Variants in FHIT observed in about 807,000 individuals in gnomAD.
FHIT encodes the protein bis(5'-adenosyl)-triphosphatase.
FHIT carries 19 observed loss-of-function variants against 17.9 expected under a neutral mutation model. The ratio of observed to expected loss-of-function variants is 1.06; its 90% CI spans 0.74 to 1.56. The LOEUF is 1.56. Among genes scored for constraint, FHIT ranks in the 40% most tolerant of loss-of-function variants. The pLI, the probability that FHIT is intolerant of heterozygous loss-of-function variation, is 0.00. For synonymous variants in FHIT, 81 were observed against 69.7 expected (o/e 1.16, Z -0.81); for missense variants, 248 against 189.2 (o/e 1.31, Z -1.82).
chr3:59,934,683 A>G (rs1706142850), intron 7 of FHIT, among the ~76,000 whole-genome samples: 1 of 152,148 alleles, frequency 6.6e-6, no homozygotes. Context: ...GAAACTTACA[A>G]TCATGGCAGA....
At chr3:60,572,426 C>G (rs1008765116) in intron 4 of FHIT, among the ~76,000 whole-genome samples, 1 of 152,016 alleles carries the variant, frequency 6.6e-6, no homozygotes, top group Admixed American at 6.6e-5. Context: ...CACATCCTAG[C>G]CCCTAGGCAT....
intron 2 of FHIT, among the ~76,000 whole-genome samples, chr3:61,142,601 A>G (rs1384699607): frequency 1.3e-5 from 2 of 152,230 alleles, no homozygotes; most frequent in African/African-American, 4.8e-5. Flanking sequence ...AATAGGATGG[A>G]AAACCATGCA....
At chr3:59,896,644 T>C (rs892966578) in intron 8 of FHIT, among the ~76,000 whole-genome samples, 32 of 152,230 alleles carry the variant, frequency 2.1e-4, no homozygotes, top group Non-Finnish European at 4.1e-4. Flanking sequence ...GAAATAATTT[T>C]ACTAATTCTT....
At chr3:59,801,992 G>A (rs748916615) in intron 8 of FHIT, among the ~76,000 whole-genome samples, 7 of 152,190 alleles carry the variant, frequency 4.6e-5, no homozygotes, top group Admixed American at 2.0e-4. Context: ...TCTTCCAAAC[G>A]TGTATCAAAT....
At chr3:59,901,565 GA>G (rs1200387881) in intron 8 of FHIT, among the ~76,000 whole-genome samples, 1 of 152,088 alleles carries the variant, frequency 6.6e-6, no homozygotes, top group Non-Finnish European at 1.5e-5. Context: ...CAAACAAAAG[GA>G]CAATGAGATA....
intron 3 of FHIT, among the ~76,000 whole-genome samples, chr3:60,957,038 C>T (rs1016362250): frequency 6.6e-6 from 1 of 152,034 alleles, no homozygotes; most frequent in African/African-American, 2.4e-5. Flanking sequence ...ACTTTACACA[C>T]CCTCCCCATG....
chr3:60,278,207 A>G (rs1707255492), intron 5 of FHIT, among the ~76,000 whole-genome samples: 1 of 152,164 alleles, frequency 6.6e-6, no homozygotes, highest in Admixed American at 6.5e-5. Flanking sequence ...ATGTCCAAGA[A>G]CCCTATCATG....
At chr3:59,818,629 T>A (rs550669942) in intron 8 of FHIT, among the ~76,000 whole-genome samples, 2 of 152,298 alleles carry the variant, frequency 1.3e-5, no homozygotes, top group East Asian at 3.9e-4. Flanking sequence ...AACATTTGCT[T>A]TTATTAGATA....
chr3:60,838,477 C>CA lies in FHIT; in HGVS notation c.-110-16467dup, dbSNP rs2106850120. On this transcript the variant is annotated intron_variant, in intron 3 of 9. Transcript: ENST00000492590. ...ACAGAGCAAGACTCCGTCTCAAAAA[C>CA]AAAAACAAAAACAAACAAACAAACA... is the stretch of plus-strand genomic sequence containing the variant. Among the ~76,000 whole-genome samples, 3 of 152,070 alleles carry CA rather than the reference C, an allele frequency of 2.0e-5. No individual in the cohort carries two copies. In the East Asian group the frequency reaches 5.8e-4, roughly 29 times the overall value.
intron 5 of FHIT, among the ~76,000 whole-genome samples, chr3:60,252,844 A>C (rs1430090212): frequency 6.6e-6 from 1 of 151,806 alleles, no homozygotes; most frequent in African/African-American, 2.4e-5. Flanking sequence ...AAATACAAAA[A>C]AAAATTAGCC....
intron 2 of FHIT, among the ~76,000 whole-genome samples, chr3:61,196,936 C>A (rs1560062054): frequency 6.6e-6 from 1 of 152,152 alleles, no homozygotes; most frequent in Non-Finnish European, 1.5e-5. Context: ...AGAAAGCCAG[C>A]AAACAAGGGA....
intron 3 of FHIT, among the ~76,000 whole-genome samples, chr3:60,960,567 C>T (rs969767695): frequency 1.3e-5 from 2 of 152,098 alleles, no homozygotes; most frequent in Non-Finnish European, 2.9e-5. Flanking sequence ...TGCTATCCGT[C>T]CCTCCTCCCC....
At chr3:60,760,028 C>T (rs1699584564) in intron 4 of FHIT, among the ~76,000 whole-genome samples, 1 of 150,880 alleles carries the variant, frequency 6.6e-6, no homozygotes. Flanking sequence ...CTCTCTTACT[C>T]TCTTTATTTC....
At chr3:60,057,829 T>C (rs1036834110) in intron 5 of FHIT, among the ~76,000 whole-genome samples, 2 of 152,148 alleles carry the variant, frequency 1.3e-5, no homozygotes, top group African/African-American at 4.8e-5. Flanking sequence ...TTATTACATT[T>C]CTTCCTGGCT....
intron 4 of FHIT, among the ~76,000 whole-genome samples, chr3:60,817,566 A>C (rs2594151): frequency 0.79 from 119,523 of 151,732 alleles, 48,341 homozygotes; most frequent in East Asian, 0.94. Flanking sequence ...CATCATTTCA[A>C]TTTTTCTGGC....
chr3:60,345,659 C>T (rs2106919217), intron 5 of FHIT, among the ~76,000 whole-genome samples: 1 of 152,274 alleles, frequency 6.6e-6, no homozygotes, highest in East Asian at 1.9e-4. Flanking sequence ...AAGATAGAAA[C>T]ACCATCTTTA....
At chr3:61,071,607 A>G (rs113391706) in intron 2 of FHIT, among the ~76,000 whole-genome samples, 1,862 of 152,316 alleles carry the variant, frequency 0.012, 33 homozygotes, top group African/African-American at 0.041. Context: ...AATGTATAAA[A>G]ATGTACATGA....
At chr3:60,109,411 C>G (rs1004435371) in intron 5 of FHIT, among the ~76,000 whole-genome samples, 2 of 151,500 alleles carry the variant, frequency 1.3e-5, no homozygotes, top group Admixed American at 6.6e-5. Flanking sequence ...CACTTTTACT[C>G]TATAAGTGAG....
chr3:60,341,831 G>C (rs556722699), intron 5 of FHIT, among the ~76,000 whole-genome samples: 1 of 152,034 alleles, frequency 6.6e-6, no homozygotes, highest in Non-Finnish European at 1.5e-5. Flanking sequence ...GGAAATATTC[G>C]CACCGCCTGG....
Sources: gnomAD v4.1 joint callset for allele counts (sites outside exome capture counted in the v4.1 genomes callset) on GRCh38, gnomAD v4.1.1 for gene constraint, MANE v1.5 for transcripts, NCBI Gene and HGNC (gene_info 2026-07-23, HGNC 2026-07-21) for gene names.